DLG1: variants seen among roughly 807,000 people sequenced by gnomAD.
The protein encoded by DLG1 is disks large homolog 1.
DLG1 carries 42 observed loss-of-function variants against 123.4 expected under a neutral mutation model. That is an observed-to-expected ratio of 0.34 (90% confidence interval 0.27 to 0.44). The LOEUF (loss-of-function observed/expected upper bound fraction) is 0.44, where lower values mean the gene tolerates loss of function less well. DLG1 is among the 20% of genes least tolerant of loss of function. The pLI is 1.00. For missense variants in DLG1, 942 were observed against 1,082.6 expected, an observed-to-expected ratio of 0.87 and a Z score of 1.82; for synonymous variants, 317 against 356.2, an observed-to-expected ratio of 0.89 and a Z score of 1.24.
chr3:197,279,165 G>A (rs1047485399), intron 4 of DLG1, among the ~76,000 whole-genome samples: 1 of 152,126 alleles, frequency 6.6e-6, no homozygotes, highest in African/African-American at 2.4e-5. Context: ...TCCAAATGAA[G>A]CATGAATGGA....
chr3:197,272,489 A>C (rs551120735), intron 4 of DLG1, among the ~76,000 whole-genome samples: 1 of 152,194 alleles, frequency 6.6e-6, no homozygotes, highest in South Asian at 2.1e-4. Context: ...TGTGGTTTTC[A>C]TTGTGCCATT....
At chr3:197,089,094 CG>C (rs1560579735) in intron 15 of DLG1, among the ~76,000 whole-genome samples, 1 of 151,994 alleles carries the variant, frequency 6.6e-6, no homozygotes, top group Non-Finnish European at 1.5e-5. Flanking sequence ...AATATAGAGG[CG>C]AAGGCTTCAT....
intron 4 of DLG1, among the ~76,000 whole-genome samples, chr3:197,255,948 G>C (rs1756656367): frequency 6.6e-6 from 1 of 152,020 alleles, no homozygotes; most frequent in African/African-American, 2.4e-5. Flanking sequence ...AAAAAATAAT[G>C]ATGATGATGA....
chr3:197,151,385 C>A (rs1793775656), intron 5 of DLG1, among the ~76,000 whole-genome samples: 2 of 152,138 alleles, frequency 1.3e-5, no homozygotes, highest in East Asian at 1.9e-4. Flanking sequence ...AGCTGTTTAT[C>A]AGTACCAACT....
chr3:197,199,952 C>T (rs1028231899), intron 4 of DLG1, among the ~76,000 whole-genome samples: 2 of 152,122 alleles, frequency 1.3e-5, no homozygotes, highest in Admixed American at 1.3e-4. Context: ...ATTTCCTCAT[C>T]CTTTTTTATG....
chr3:197,086,168 C>T (rs576678519), intron 15 of DLG1, among the ~76,000 whole-genome samples: 3 of 152,098 alleles, frequency 2.0e-5, no homozygotes, highest in South Asian at 2.1e-4. Context: ...TAGTTGTGGA[C>T]TGTACGACTA....
intron 5 of DLG1, among the ~76,000 whole-genome samples, chr3:197,177,610 G>A (rs1423577649): frequency 1.3e-5 from 2 of 151,902 alleles, no homozygotes; most frequent in Non-Finnish European, 2.9e-5. Context: ...TTGCCTGGTG[G>A]GAATAGTCAG....
chr3:197,294,657 C>T (rs76831304), intron 3 of DLG1, among the ~76,000 whole-genome samples: 1 of 79,124 alleles, frequency 1.3e-5, no homozygotes, highest in African/African-American at 4.9e-5. Flanking sequence ...GACTCTGCCT[C>T]AAAAAAAAAA....
chr3:197,102,740 T>C (rs988410304), intron 14 of DLG1, among the ~76,000 whole-genome samples: 6 of 152,166 alleles, frequency 3.9e-5, no homozygotes, highest in Non-Finnish European at 7.3e-5. Flanking sequence ...CCGGGCGTGG[T>C]GGCAGGTGCC....
intron 4 of DLG1, among the ~76,000 whole-genome samples, chr3:197,274,293 C>T (rs935693881): frequency 6.6e-6 from 1 of 152,124 alleles, no homozygotes; most frequent in African/African-American, 2.4e-5. Context: ...TAAATCCACA[C>T]ATTTAAGCCA....
intron 14 of DLG1, among the ~76,000 whole-genome samples, chr3:197,095,434 G>A (rs1760107853): frequency 6.6e-6 from 1 of 151,930 alleles, no homozygotes; most frequent in African/African-American, 2.4e-5. Flanking sequence ...TTGACTTTGT[G>A]ACCTTAATAC....
chr3:197,288,900 C>T (rs1560173312), intron 3 of DLG1, among the ~76,000 whole-genome samples: 1 of 151,806 alleles, frequency 6.6e-6, no homozygotes, highest in Non-Finnish European at 1.5e-5. Flanking sequence ...AGTATATCTC[C>T]CCTGCAAAAA....
At chr3:197,141,040 A>G (rs557891934) in intron 7 of DLG1, among the ~76,000 whole-genome samples, 4 of 152,210 alleles carry the variant, frequency 2.6e-5, no homozygotes, top group Non-Finnish European at 5.9e-5. Flanking sequence ...GATTTAACCA[A>G]TGGTATTAAA....
chr3:197,172,001 G>T (rs1445784313), intron 5 of DLG1, among the ~76,000 whole-genome samples: 1 of 152,030 alleles, frequency 6.6e-6, no homozygotes, highest in Non-Finnish European at 1.5e-5. Flanking sequence ...ACTCTCTCAA[G>T]TTGCCTTCTT....
chr3:197,242,699 G>A (rs1311064610), intron 4 of DLG1, among the ~76,000 whole-genome samples: 1 of 151,974 alleles, frequency 6.6e-6, no homozygotes, highest in East Asian at 1.9e-4. Context: ...AAATTCAGAA[G>A]GAAACTTAAA....
At chr3:197,173,434 C>G (rs1316428817) in intron 5 of DLG1, among the ~76,000 whole-genome samples, 1 of 152,132 alleles carries the variant, frequency 6.6e-6, no homozygotes, top group Non-Finnish European at 1.5e-5. Context: ...AGGAGACAGA[C>G]TCCGCATGGA....
At chr3:197,256,476 T>C (rs1489504365) in intron 4 of DLG1, among the ~76,000 whole-genome samples, 1 of 152,236 alleles carries the variant, frequency 6.6e-6, no homozygotes, top group Non-Finnish European at 1.5e-5. Context: ...TTTAAAACCG[T>C]CTCTTCTAAT....
intron 4 of DLG1, among the ~76,000 whole-genome samples, chr3:197,210,623 TTATATA>T (rs370542105): frequency 7.1e-6 from 1 of 140,422 alleles, no homozygotes; most frequent in African/African-American, 2.5e-5. Flanking sequence ...CCTCTCAAAT[TTATATA>T]TATATATATA....
chr3:197,104,623 G>A (rs1220558385), intron 14 of DLG1, among the ~76,000 whole-genome samples: 9 of 151,894 alleles, frequency 5.9e-5, no homozygotes, highest in African/African-American at 1.5e-4. Context: ...CAGAGGTTGC[G>A]GTGAGCTGAG....
Sources: gnomAD v4.1 joint callset for allele counts (sites outside exome capture counted in the v4.1 genomes callset) on GRCh38, gnomAD v4.1.1 for gene constraint, MANE v1.5 for transcripts, NCBI Gene and HGNC (gene_info 2026-07-23, HGNC 2026-07-21) for gene names.